The following PRCC variants were observed in gnomAD, a reference collection of about 807,000 sequenced individuals.
PRCC encodes the protein proline-rich protein PRCC.
Under a neutral mutation model 44.0 loss-of-function variants are expected in PRCC, and 10 were observed. The ratio of observed to expected loss-of-function variants is 0.23; its 90% CI spans 0.14 to 0.39. PRCC has a LOEUF of 0.39. Ranked by LOEUF, PRCC falls within the 10% of genes least tolerant of loss-of-function variation. The pLI, the probability that PRCC is intolerant of heterozygous loss-of-function variation, is 1.00. For missense variants in PRCC, 573 were observed against 624.7 expected (o/e 0.92, Z 0.88); for synonymous variants, 278 against 259.5 (o/e 1.07, Z -0.69).
rs1353210633 is a variant in PRCC at position 156,767,817 on chromosome 1, G to A, written c.46G>A (p.Glu16Lys). ...YASSDESEPD[E>K]AEPEPEEEEA... is the part of the protein sequence containing the mutation. ...CAGCAGCGATGAGAGCGAGCCGGAT[G>A]AGGCTGAGCCCGAGCCGGAGGAAGA... The change falls in exon 1 of 7, where the codon GAG (glutamate) becomes AAG (lysine). Residue 16 changes from glutamate to lysine, a missense_variant. By Grantham distance (56) the Glu-to-Lys change is moderately conservative. Around this residue, in one of 4 missense-constraint regions of PRCC, gnomAD observed 245 missense variants for 188.5 expected, o/e 1.30. Coordinates refer to ENST00000271526, the MANE Select transcript of PRCC (RefSeq NM_005973.5). 6.2e-7 allele frequency: 1 copy of A among 1,610,344 alleles called. No homozygotes were observed. The highest frequency in any genetic ancestry group is 1.9e-4 in the Middle Eastern group (1 of 5,360).
intron 2 of PRCC, among the ~76,000 whole-genome samples, chr1:156,785,050 T>G (rs1652185988): frequency 6.6e-6 from 1 of 152,130 alleles, no homozygotes; most frequent in Non-Finnish European, 1.5e-5. Flanking sequence ...CAAAACTACC[T>G]CTGTATGTAT....
At chr1:156,777,053 C>CA (rs1651851516) in intron 1 of PRCC, among the ~76,000 whole-genome samples, 1 of 152,214 alleles carries the variant, frequency 6.6e-6, no homozygotes, top group Non-Finnish European at 1.5e-5. Flanking sequence ...TTTTCACTGG[C>CA]AGTAGCTCCT....
chr1:156,794,217 A>G (rs1345513431), intron 4 of PRCC, among the ~76,000 whole-genome samples: 1 of 152,062 alleles, frequency 6.6e-6, no homozygotes, highest in Non-Finnish European at 1.5e-5. Flanking sequence ...TCGGCCTCCC[A>G]AAGTGCTGGG....
At position 156,787,047 on chromosome 1, in the gene PRCC, C is replaced by T. The variant is rs1165380588; in HGVS notation, c.956C>T (p.Ala319Val). Residue 319 changes from alanine (A) to valine (V), a missense_variant, in exon 3 of 7, where the codon GCC (alanine) becomes GTC (valine). Ala to Val is a moderately conservative substitution (Grantham distance 64, BLOSUM62 0). Around this residue, in one of 4 missense-constraint regions of PRCC, gnomAD observed 141 missense variants for 130.2 expected, o/e 1.08. Coordinates refer to ENST00000271526, the MANE Select transcript of PRCC (RefSeq NM_005973.5). ...GCTTTCCAGGACGATGCAGCCAATG[C>T]CCCCCTTGAATTCAAGATGGCAGCA... ...EPAFQDDAAN[A>V]PLEFKMAAGS... The T allele has an allele frequency of 5.0e-6, 8 of 1,614,068 alleles. No homozygotes were observed. The East Asian group carries it at 1.8e-4, about 36-fold the overall frequency.
chr1:156,781,885 G>A (rs991992082), intron 1 of PRCC, among the ~76,000 whole-genome samples: 8 of 152,238 alleles, frequency 5.3e-5, no homozygotes, highest in Admixed American at 4.6e-4. Flanking sequence ...GATTGGGTGA[G>A]GTTGTGGGCC....
At chr1:156,784,307 C>G (rs80278884) in intron 2 of PRCC, among the ~76,000 whole-genome samples, 15,457 of 152,154 alleles carry the variant, frequency 0.1, 1,001 homozygotes, top group African/African-American at 0.18. Context: ...CGTGCTGAGA[C>G]TGAGCAAAGG....
chr1:156,778,067 TTCAC>T (rs1651890804), intron 1 of PRCC, among the ~76,000 whole-genome samples: 1 of 152,190 alleles, frequency 6.6e-6, no homozygotes, highest in Non-Finnish European at 1.5e-5. Flanking sequence ...ACATTTGAAA[TTCAC>T]TCTCAGCAAT....
intron 2 of PRCC, among the ~76,000 whole-genome samples, chr1:156,783,165 A>G (rs1210201619): frequency 1.3e-5 from 2 of 152,102 alleles, no homozygotes; most frequent in African/African-American, 4.8e-5. Flanking sequence ...CGGCCTCTCC[A>G]AAGTGCTGGG....
chr1:156,768,064 C>A lies in PRCC; in HGVS notation c.293C>A (p.Pro98Gln). The change falls in exon 1 of 7, where the codon CCG becomes CAG. Residue 98 changes from proline to glutamine, a missense_variant. Physicochemically the swap from Pro to Gln is moderately conservative, Grantham distance 76. This residue lies in a region of PRCC where 245 missense variants were observed against 188.5 expected (regional missense o/e 1.30). Transcript: ENST00000271526. ...GGFPPPPGVS[P>Q]AEAAGVGEGL... ...TTCCCCCCACCTCCAGGCGTGAGCC[C>A]GGCTGAAGCGGCGGGAGTTGGGGAG... 1 of 1,591,274 alleles carries A rather than the reference C, an allele frequency of 6.3e-7. No homozygotes were observed. The highest frequency in any genetic ancestry group is 8.6e-7 in the Non-Finnish European group (1 of 1,168,312).
intron 5 of PRCC, among the ~76,000 whole-genome samples, chr1:156,795,308 T>TTC: frequency 8.5e-6 from 1 of 118,254 alleles, no homozygotes; most frequent in Non-Finnish European, 1.8e-5. Context: ...TTTTTTTTTT[T>TTC]TCAGAGTCTC....
chr1:156,777,965 C>T (rs1651883995), intron 1 of PRCC, among the ~76,000 whole-genome samples: 1 of 152,082 alleles, frequency 6.6e-6, no homozygotes, highest in Non-Finnish European at 1.5e-5. Context: ...CTATAGGATA[C>T]AAGATGATGT....
chr1:156,781,944 T>C (rs945048963), intron 1 of PRCC, among the ~76,000 whole-genome samples: 1 of 152,180 alleles, frequency 6.6e-6, no homozygotes, highest in Non-Finnish European at 1.5e-5. Context: ...GAAGAATGGG[T>C]ATAGCTTTTT....
rs569789909 is a variant in PRCC, at chr1:156,797,783, T to C, written c.1389+442T>C. On this transcript the variant is annotated intron_variant, in intron 6 of 6. Transcript: ENST00000271526. ...TGGCAGGGAACATCAACACAAATAA[T>C]TCAGAATTACAGGTAATCCAAAAAT... 1.7e-4 allele frequency among the ~76,000 whole-genome samples: 26 copies of C among 152,270 alleles called. 1 individual carries two copies. In the South Asian group the frequency reaches 5.0e-3, roughly 29 times the overall value.
At chr1:156,779,114 ATATATATATATATATTTTTTTT>A (rs1651936977) in intron 1 of PRCC, among the ~76,000 whole-genome samples, 2 of 17,266 alleles carry the variant, frequency 1.2e-4, no homozygotes, top group Non-Finnish European at 2.0e-4. Context: ...ATATATATAT[ATATATATATATATATTTTTTTT>A]TTTTTTTTTT....
chr1:156,779,088 C>T (rs867960498), intron 1 of PRCC, among the ~76,000 whole-genome samples: 22 of 122,226 alleles, frequency 1.8e-4, no homozygotes, highest in South Asian at 7.9e-4. Flanking sequence ...CATGAGCCAC[C>T]GCGCCCGGCC....
At chr1:156,791,565 T>C (rs1406227349) in intron 3 of PRCC, 132 bp from the exon 4 acceptor site, 1 of 764,604 alleles carries the variant, frequency 1.3e-6, no homozygotes, top group African/African-American at 1.8e-5. Context: ...ACTGGTCTGT[T>C]TGAGGAAGCT....
intron 4 of PRCC, among the ~76,000 whole-genome samples, chr1:156,792,610 T>G (rs570987090): frequency 2.0e-5 from 3 of 152,168 alleles, no homozygotes; most frequent in African/African-American, 7.2e-5. Context: ...TGTGCCACCA[T>G]GTCCAGCTAA....
rs1165380588 is a variant in PRCC at position 156,787,047 on chromosome 1, C to G, written c.956C>G (p.Ala319Gly). Residue 319 changes from alanine to glycine, a missense_variant, in exon 3 of 7, where the codon GCC becomes GGC. Coordinates refer to ENST00000271526, the MANE Select transcript of PRCC (RefSeq NM_005973.5). ...EPAFQDDAAN[A>G]PLEFKMAAGS... ...GCTTTCCAGGACGATGCAGCCAATG[C>G]CCCCCTTGAATTCAAGATGGCAGCA... 6.2e-7 allele frequency: 1 copy of G among 1,614,186 alleles called. No homozygotes were observed. The highest frequency in any genetic ancestry group is 1.7e-5 in the Admixed American group (1 of 60,014).
rs1652251118 is a variant in PRCC at position 156,786,589 on chromosome 1, C to A, written c.517-19C>A. On this transcript the variant is annotated intron_variant, in intron 2 of 6. Transcript: ENST00000271526. ...CTTGTCATCTTTCTTTCCTCCTATCCCACACCTGGGCTCACCAGGGATCCA... is the reference window on the plus strand; with the variant it reads ...CTTGTCATCTTTCTTTCCTCCTATCACACACCTGGGCTCACCAGGGATCCA... The A allele has an allele frequency of 9.4e-6, 15 of 1,593,724 alleles. No individual in the cohort carries two copies. Among genetic ancestry groups the A allele is most frequent in the Non-Finnish European group, 1.1e-5 (13 of 1,166,108 alleles).
Sources: allele counts gnomAD v4.1 joint callset (sites outside exome capture counted in the v4.1 genomes callset), GRCh38; gene constraint gnomAD v4.1.1; regional missense constraint gnomAD v4.1.1; transcripts MANE v1.5; gene names NCBI Gene and HGNC (gene_info 2026-07-23, HGNC 2026-07-21).